COL4A2: variants seen among roughly 807,000 people sequenced by gnomAD.
The protein encoded by COL4A2 is collagen alpha-2(IV) chain.
In COL4A2, 99 loss-of-function variants were observed where a neutral mutation model predicts 200.2. The ratio of observed to expected loss-of-function variants is 0.49; its 90% CI spans 0.42 to 0.58. The LOEUF is 0.58. COL4A2 is among the 20% of genes least tolerant of loss of function. The pLI, the probability that COL4A2 is intolerant of heterozygous loss-of-function variation, is 0.00. For missense variants in COL4A2, 1,950 were observed against 2,314.1 expected (o/e 0.84, Z 3.23); for synonymous variants, 897 against 900.6 (o/e 1.00, Z 0.07).
chr13:110,443,273 C>A (rs1192795254), intron 16 of COL4A2, among the ~76,000 whole-genome samples: 1 of 152,186 alleles, frequency 6.6e-6, no homozygotes, highest in Non-Finnish European at 1.5e-5. Context: ...TCGGCCACTG[C>A]AATGAAAAGG....
intron 3 of COL4A2, among the ~76,000 whole-genome samples, chr13:110,321,102 G>A (rs1056683169): frequency 6.6e-6 from 1 of 151,884 alleles, no homozygotes; most frequent in African/African-American, 2.4e-5. Flanking sequence ...ACACAGTGTT[G>A]ATAAACTAAC....
intron 4 of COL4A2, among the ~76,000 whole-genome samples, chr13:110,366,979 A>G (rs180794922): frequency 6.6e-6 from 1 of 152,278 alleles, no homozygotes; most frequent in Non-Finnish European, 1.5e-5. Context: ...GGGAAGCACA[A>G]AGCAGGCCTT....
chr13:110,396,612 A>G (rs1219616388), intron 4 of COL4A2, among the ~76,000 whole-genome samples: 2 of 152,116 alleles, frequency 1.3e-5, no homozygotes, highest in African/African-American at 4.8e-5. Context: ...TGATCATGAG[A>G]CATCTCACCA....
intron 4 of COL4A2, among the ~76,000 whole-genome samples, chr13:110,357,923 G>A (rs1303201429): frequency 6.6e-6 from 1 of 152,188 alleles, no homozygotes; most frequent in African/African-American, 2.4e-5. Context: ...GGGAGTGCGG[G>A]GTGCGTGGAT....
intron 3 of COL4A2, among the ~76,000 whole-genome samples, chr13:110,350,638 A>G (rs1254699534): frequency 1.3e-5 from 2 of 152,134 alleles, no homozygotes; most frequent in South Asian, 2.1e-4. Flanking sequence ...CTTTCTCACT[A>G]TCTCTAAACA....
chr13:110,387,513 C>T (rs1374852177), intron 4 of COL4A2, among the ~76,000 whole-genome samples: 3 of 152,174 alleles, frequency 2.0e-5, no homozygotes, highest in Admixed American at 2.0e-4. Context: ...AAGTGTCGGC[C>T]GCATTCACCA....
At chr13:110,326,860 G>A (rs2139357365) in intron 3 of COL4A2, among the ~76,000 whole-genome samples, 1 of 152,362 alleles carries the variant, frequency 6.6e-6, no homozygotes, top group East Asian at 1.9e-4. Flanking sequence ...CATCAGAGCA[G>A]TTCACACAGT....
At chr13:110,388,987 A>G (rs1283792628) in intron 4 of COL4A2, among the ~76,000 whole-genome samples, 1 of 152,150 alleles carries the variant, frequency 6.6e-6, no homozygotes, top group Non-Finnish European at 1.5e-5. Context: ...TGCGATCTCC[A>G]TCCTGTCTCC....
At position 110,495,348 on chromosome 13, in the gene COL4A2, A is replaced by C; in HGVS notation, c.3641A>C (p.Asp1214Ala). ...TKGFPGSPGS[D>A]IHGDPGFPGP... Reference sequence around the variant, plus strand: ...TGTTATAACTCTTCCACAGGTTCTGACATCCACGGAGACCCAGGCTTCCCA... The same window carrying C: ...TGTTATAACTCTTCCACAGGTTCTGCCATCCACGGAGACCCAGGCTTCCCA... Residue 1214 changes from aspartate to alanine, a missense_variant, in exon 40 of 48, where the codon GAC (aspartate) becomes GCC (alanine). Around this residue, in one of 2 missense-constraint regions of COL4A2, gnomAD observed 1,385 missense variants for 1,720.5 expected, o/e 0.80. Transcript: ENST00000360467. The C allele has an allele frequency of 1.9e-6, 3 of 1,614,132 alleles. No individual in the cohort carries two copies. The highest frequency in any genetic ancestry group is 2.5e-6 in the Non-Finnish European group (3 of 1,180,014).
chr13:110,341,910 G>A (rs1005224754), intron 3 of COL4A2, among the ~76,000 whole-genome samples: 1 of 152,218 alleles, frequency 6.6e-6, no homozygotes, highest in Non-Finnish European at 1.5e-5. Context: ...GTTTGTGGAT[G>A]TTTATAATCT....
At chr13:110,321,423 C>T (rs563151171) in intron 3 of COL4A2, among the ~76,000 whole-genome samples, 1 of 152,196 alleles carries the variant, frequency 6.6e-6, no homozygotes, top group South Asian at 2.1e-4. Context: ...CACCATTGTC[C>T]GTCTCCAGAA....
chr13:110,346,725 C>T (rs1436337805), intron 3 of COL4A2, among the ~76,000 whole-genome samples: 1 of 151,388 alleles, frequency 6.6e-6, no homozygotes, highest in Non-Finnish European at 1.5e-5. Flanking sequence ...GCCCCACACC[C>T]ATGTCTACAC....
At position 110,493,711 on chromosome 13, in the gene COL4A2, A is replaced by C. The variant is rs1224792001; in HGVS notation, c.3634+429A>C. Among the ~76,000 whole-genome samples the C allele has an allele frequency of 2.0e-5, 3 of 152,128 alleles. No individual in the cohort carries two copies. The East Asian group carries it at 5.8e-4, about 29-fold the overall frequency. ...TGCCCCTGGGCAGTTCTGATGCTGGAGACAGTGATAGCGCTTGGGCACCCA... is the reference window on the plus strand; with the variant it reads ...TGCCCCTGGGCAGTTCTGATGCTGGCGACAGTGATAGCGCTTGGGCACCCA... On this transcript the variant is annotated intron_variant, in intron 39 of 47. Coordinates refer to ENST00000360467, the MANE Select transcript of COL4A2 (RefSeq NM_001846.4).
intron 4 of COL4A2, among the ~76,000 whole-genome samples, chr13:110,358,667 A>C (rs1877387730): frequency 1.3e-5 from 2 of 152,332 alleles, no homozygotes; most frequent in South Asian, 4.1e-4. Flanking sequence ...GGGCACCACT[A>C]TCTTCAGTGC....
intron 3 of COL4A2, chr13:110,328,356 T>C (rs1461134221): frequency 2.6e-5 from 4 of 152,218 alleles, no homozygotes; most frequent in Non-Finnish European, 5.9e-5. Flanking sequence ...TGTTCCACCA[T>C]TAAATAAAAT....
intron 4 of COL4A2, among the ~76,000 whole-genome samples, chr13:110,409,952 C>T (rs1181590440): frequency 1.3e-5 from 2 of 152,152 alleles, no homozygotes; most frequent in African/African-American, 4.8e-5. Context: ...TCCCGCCCGC[C>T]CCAGAGCCAA....
At chr13:110,420,198 C>T (rs895397103) in intron 4 of COL4A2, among the ~76,000 whole-genome samples, 16 of 152,166 alleles carry the variant, frequency 1.1e-4, no homozygotes, top group African/African-American at 3.9e-4. Flanking sequence ...GAGTGCACCC[C>T]GGCCAGCCCT....
intron 4 of COL4A2, among the ~76,000 whole-genome samples, chr13:110,419,721 C>A (rs910699628): frequency 2.0e-5 from 3 of 152,362 alleles, no homozygotes; most frequent in African/African-American, 7.2e-5. Context: ...CCCATGTGCG[C>A]ACCAGCCATG....
At chr13:110,490,897 C>G (rs1199185902) in intron 36 of COL4A2, among the ~76,000 whole-genome samples, 2 of 152,168 alleles carry the variant, frequency 1.3e-5, no homozygotes, top group Non-Finnish European at 2.9e-5. Context: ...GGAGTGGAGC[C>G]TCCCCTGCAT....
Sources: gnomAD v4.1 joint callset for allele counts (sites outside exome capture counted in the v4.1 genomes callset) on GRCh38, gnomAD v4.1.1 for gene constraint, gnomAD v4.1.1 regional missense constraint, MANE v1.5 for transcripts, NCBI Gene and HGNC (gene_info 2026-07-23, HGNC 2026-07-21) for gene names.